CX3CL1: variants seen among roughly 807,000 people sequenced by gnomAD.
CX3CL1 encodes fractalkine.
CX3CL1 carries 1 observed loss-of-function variant against 14.1 expected under a neutral mutation model. The ratio of observed to expected loss-of-function variants is 0.07; its 90% CI spans 0.03 to 0.34. The LOEUF is 0.34. Ranked by LOEUF, CX3CL1 falls within the 10% of genes least tolerant of loss-of-function variation. The probability of loss-of-function intolerance (pLI) is 0.99; values close to 1 mark genes in which losing one functional copy is unlikely to be tolerated. For synonymous variants in CX3CL1, 255 were observed against 229.6 expected (o/e 1.11, Z -1.00); for missense variants, 505 against 536.4 (o/e 0.94, Z 0.58).
intron 1 of CX3CL1, among the ~76,000 whole-genome samples, chr16:57,373,595 A>ATG (rs1902207366): frequency 6.6e-6 from 1 of 152,154 alleles, no homozygotes; most frequent in Non-Finnish European, 1.5e-5. Flanking sequence ...CCCACTGTCC[A>ATG]GATATTTCCA....
chr16:57,380,212 T>C (rs751930498), intron 2 of CX3CL1, among the ~76,000 whole-genome samples: 2 of 152,192 alleles, frequency 1.3e-5, no homozygotes, highest in Non-Finnish European at 2.9e-5. Context: ...TTGCTTACTT[T>C]TTGCAACTTG....
rs1378205496 is a variant in CX3CL1, at chr16:57,384,270, C to T, written c.*1238C>T. ...TGTTCTCTGCCCTCCAAGACCTTCT[C>T]CTTCACCTTTGTCCCCACCGCAGAC... On this transcript the variant is annotated 3_prime_UTR_variant, in exon 3 of 3. Transcript: ENST00000006053. The T allele has an allele frequency of 6.6e-6, 1 of 152,396 alleles. No homozygotes were observed. The highest frequency in any genetic ancestry group is 1.5e-5 in the Non-Finnish European group (1 of 68,158). The allele number at this position is 152,396 out of a possible 1,614,324, so 9.4% of individuals were successfully genotyped here. A position where few individuals can be genotyped will look rare whatever the true frequency, so the allele number is the denominator to read the frequency against.
At chr16:57,380,841 C>T (rs577917368) in intron 2 of CX3CL1, among the ~76,000 whole-genome samples, 3 of 152,250 alleles carry the variant, frequency 2.0e-5, no homozygotes, top group South Asian at 2.1e-4. Flanking sequence ...ACCTAGAGGC[C>T]GGGCAGCAGG....
Position 57,382,902 on chromosome 16 carries a change from T to C in CX3CL1, c.1064T>C (p.Leu355Pro). Reference sequence around the variant, plus strand: ...GCCTTCCTTGGCCTCCTCTTCTGCCTGGGGGTGGCCATGTTCACCTACCAG... The same window carrying C: ...GCCTTCCTTGGCCTCCTCTTCTGCCCGGGGGTGGCCATGTTCACCTACCAG... ...LLAFLGLLFC[L>P]GVAMFTYQSL... is the part of the protein sequence containing the mutation. Residue 355 changes from leucine to proline, a missense_variant, in exon 3 of 3, where the codon CTG (leucine) becomes CCG (proline). Physicochemically the swap from Leu to Pro is moderately conservative, Grantham distance 98. Coordinates refer to ENST00000006053, the MANE Select transcript of CX3CL1 (RefSeq NM_002996.6). The surrounding 1 kb of genome is among the most constrained non-coding windows in gnomAD (Gnocchi z 6.9). The C allele has an allele frequency of 6.4e-7, 1 of 1,554,102 alleles. No individual in the cohort carries two copies. Among genetic ancestry groups the C allele is most frequent in the Non-Finnish European group, 8.7e-7 (1 of 1,147,456 alleles).
chr16:57,373,043 C>A (rs567384959), intron 1 of CX3CL1, among the ~76,000 whole-genome samples: 1 of 152,112 alleles, frequency 6.6e-6, no homozygotes, highest in East Asian at 1.9e-4. Context: ...ATGTGTAACC[C>A]GCAGCCCTGG....
chr16:57,374,867 G>A (rs1399669690), intron 1 of CX3CL1, among the ~76,000 whole-genome samples: 2 of 152,188 alleles, frequency 1.3e-5, no homozygotes, highest in Admixed American at 6.5e-5. Context: ...GTGGCTGGGC[G>A]CAGGGGCTCA....
At chr16:57,375,335 G>A (rs1377796409) in intron 1 of CX3CL1, among the ~76,000 whole-genome samples, 1 of 151,920 alleles carries the variant, frequency 6.6e-6, no homozygotes, top group Non-Finnish European at 1.5e-5. Flanking sequence ...CTCCCCTATG[G>A]GCCATTTGGC....
At chr16:57,380,387 A>T (rs1208947290) in intron 2 of CX3CL1, among the ~76,000 whole-genome samples, 1 of 152,066 alleles carries the variant, frequency 6.6e-6, no homozygotes, top group Non-Finnish European at 1.5e-5. Context: ...GTGAAACCCC[A>T]TCTCTACTAA....
chr16:57,383,151 G>A lies in CX3CL1; in HGVS notation c.*119G>A. The A allele has an allele frequency of 2.1e-6, 2 of 931,594 alleles. No individual in the cohort carries two copies. Among genetic ancestry groups the A allele is most frequent in the Non-Finnish European group, 2.9e-6 (2 of 685,366 alleles). 57.7% of individuals were successfully genotyped at this position (931,594 alleles called of 1,614,324 possible). A position where few individuals can be genotyped will look rare whatever the true frequency, so the allele number is the denominator to read the frequency against. On this transcript the variant is annotated 3_prime_UTR_variant, in exon 3 of 3. Coordinates refer to ENST00000006053, the MANE Select transcript of CX3CL1 (RefSeq NM_002996.6). ...TGGGATGATTGGAGGGGGGAGGTGG[G>A]ATCCTCCAGGTGCACAAGCTCCAAG...
chr16:57,379,326 CA>C (rs112711341), intron 1 of CX3CL1: 150,742 of 336,012 alleles, frequency 0.45, 23,565 homozygotes, highest in Non-Finnish European at 0.5. Context: ...GACTCCAACT[CA>C]AAAAAAAAAA....
At position 57,383,393 on chromosome 16, in the gene CX3CL1, T is replaced by C. The variant is rs1271590138; in HGVS notation, c.*361T>C. 11 of 180,840 alleles carry C rather than the reference T, an allele frequency of 6.1e-5. No homozygotes were observed. The highest frequency in any genetic ancestry group is 9.2e-5 in the Non-Finnish European group (8 of 87,164). The allele number at this position is 180,840 out of a possible 1,614,324, so 11.2% of individuals were successfully genotyped here. A position where few individuals can be genotyped will look rare whatever the true frequency, so the allele number is the denominator to read the frequency against. ...CCCTGTGAGTACTACAGTCCTCCCA[T>C]CTCACACATGAGCATCAGGCCAGGC... On this transcript the variant is annotated 3_prime_UTR_variant, in exon 3 of 3. Coordinates refer to ENST00000006053, the MANE Select transcript of CX3CL1 (RefSeq NM_002996.6).
chr16:57,379,659 C>T lies in CX3CL1; in HGVS notation c.96C>T (p.Cys32=). 1 of 1,614,196 alleles carries T rather than the reference C, an allele frequency of 6.2e-7. No individual in the cohort carries two copies. The highest frequency in any genetic ancestry group is 8.5e-7 in the Non-Finnish European group (1 of 1,180,038). Residue 32 remains cysteine, a synonymous_variant, in exon 2 of 3, where the codon TGC becomes TGT. Coordinates refer to ENST00000006053, the MANE Select transcript of CX3CL1 (RefSeq NM_002996.6). ...GACAGCACCACGGTGTGACGAAATG[C>T]AACATCACGTGCAGCAAGATGACAT... The part of the protein sequence containing the change: ...LAGQHHGVTK[C]NITCSKMTSK...
In CX3CL1 at chr16:57,384,152, A is replaced by G. The variant is rs1345131125; in HGVS notation, c.*1120A>G. On this transcript the variant is annotated 3_prime_UTR_variant, in exon 3 of 3. Coordinates refer to ENST00000006053, the MANE Select transcript of CX3CL1 (RefSeq NM_002996.6). The stretch of plus-strand genomic sequence containing the variant: ...TCTTCAGAGACTCCTGCAGGCAGCC[A>G]GGCCACAAGACCCTTGTGGTCCCAC... 6 of 152,338 alleles carry G rather than the reference A, an allele frequency of 3.9e-5. No homozygotes were observed. The highest frequency in any genetic ancestry group is 5.9e-5 in the Non-Finnish European group (4 of 68,128). The allele number at this position is 152,338 out of a possible 1,614,324, so 9.4% of individuals were successfully genotyped here. A position where few individuals can be genotyped will look rare whatever the true frequency, so the allele number is the denominator to read the frequency against.
At position 57,373,041 on chromosome 16, in the gene CX3CL1, C is replaced by A. The variant is rs184778126; in HGVS notation, c.70+403C>A. Among the ~76,000 whole-genome samples, 150 of 152,208 alleles carry A rather than the reference C, an allele frequency of 9.9e-4. 2 individuals are homozygous for A. The highest frequency in any genetic ancestry group is 3.5e-3 in the African/African-American group (147 of 41,512). ...CTTTCCATCAAGCGTTAATGTGTAA[C>A]CCGCAGCCCTGGCCCTGGGCCAGGC... On this transcript the variant is annotated intron_variant, in intron 1 of 2. Coordinates refer to ENST00000006053, the MANE Select transcript of CX3CL1 (RefSeq NM_002996.6).
intron 1 of CX3CL1, among the ~76,000 whole-genome samples, chr16:57,374,898 T>C (rs1902225647): frequency 1.3e-5 from 2 of 152,068 alleles, no homozygotes; most frequent in Admixed American, 6.6e-5. Flanking sequence ...CCCAGCACAT[T>C]GGGAGGCCAA....
chr16:57,381,384 G>C (rs1337343564), intron 2 of CX3CL1, among the ~76,000 whole-genome samples: 1 of 152,130 alleles, frequency 6.6e-6, no homozygotes, highest in Non-Finnish European at 1.5e-5. Context: ...CCACATATTT[G>C]GCTCTAGCCC....
chr16:57,379,823 T>A, intron 2 of CX3CL1, 69 bp downstream of exon 2: 1 of 1,578,216 alleles, frequency 6.3e-7, no homozygotes, highest in Non-Finnish European at 8.7e-7. Flanking sequence ...CCTCTGAGAA[T>A]CTACGTCCAC....
chr16:57,382,333 A>C lies in CX3CL1; in HGVS notation c.495A>C (p.Ser165=). The C allele has an allele frequency of 2.5e-6, 4 of 1,602,554 alleles. No individual in the cohort carries two copies. The highest frequency in any genetic ancestry group is 3.4e-6 in the Non-Finnish European group (4 of 1,175,356). ...PELPTGVTGS[S]GTRLPPTPKA... is the part of the protein sequence containing the mutation. Reference sequence around the variant, plus strand: ...TGCCGACGGGCGTGACTGGTTCCTCAGGGACCAGGCTCCCCCCGACGCCAA... The same window carrying C: ...TGCCGACGGGCGTGACTGGTTCCTCCGGGACCAGGCTCCCCCCGACGCCAA... Residue 165 remains serine (S), a synonymous_variant, in exon 3 of 3, where the codon TCA becomes TCC. Transcript: ENST00000006053. This position sits in a 1 kb window ranked among gnomAD's most constrained non-coding sequence, Gnocchi z 6.9.
rs933885718 is a variant in CX3CL1 at position 57,379,891 on chromosome 16, C to T, written c.191+137C>T. 8 of 1,032,568 alleles carry T rather than the reference C, an allele frequency of 7.7e-6. No individual in the cohort carries two copies. The South Asian group carries it at 9.3e-5, about 12-fold the overall frequency. The allele number at this position is 1,032,568 out of a possible 1,614,324, so 64.0% of individuals were successfully genotyped here. On this transcript the variant is annotated intron_variant, in intron 2 of 2. Coordinates refer to ENST00000006053, the MANE Select transcript of CX3CL1 (RefSeq NM_002996.6). ...AGGCCTCAGCACACGCTTCTCTTGCCCCTGGCCTGCAGGCCACCTCACTGA... is the reference window on the plus strand; with the variant it reads ...AGGCCTCAGCACACGCTTCTCTTGCTCCTGGCCTGCAGGCCACCTCACTGA...
Sources: gnomAD v4.1 joint callset for allele counts (sites outside exome capture counted in the v4.1 genomes callset) on GRCh38, gnomAD v4.1.1 for gene constraint, Gnocchi (gnomAD v3.1) non-coding constraint, MANE v1.5 for transcripts, NCBI Gene and HGNC (gene_info 2026-07-23, HGNC 2026-07-21) for gene names.